Variants in RBM27 observed in about 807,000 individuals in gnomAD.
RBM27 encodes RNA-binding protein 27.
A neutral mutation model predicts 135.3 loss-of-function variants in RBM27; 22 were observed. That is an observed-to-expected ratio of 0.16 (90% CI 0.12 to 0.23). RBM27 has a LOEUF of 0.23. Ranked by LOEUF, RBM27 falls within the 10% of genes least tolerant of loss-of-function variation. The probability of loss-of-function intolerance (pLI) is 1.00; values close to 1 mark genes in which losing one functional copy is unlikely to be tolerated. For missense variants in RBM27, 1,009 were observed against 1,281.0 expected, an observed-to-expected ratio of 0.79 and a Z score of 3.24; for synonymous variants, 481 against 442.4, an observed-to-expected ratio of 1.09 and a Z score of -1.10.
At chr5:146,229,586 G>T in intron 4 of RBM27, 131 bp from the exon 5 acceptor site, 2 of 712,346 alleles carry the variant, frequency 2.8e-6, no homozygotes, top group Non-Finnish European at 4.6e-6. Context: ...GAATTATGTG[G>T]TAGATTTGCA....
chr5:146,237,940 G>A (rs536649246), intron 8 of RBM27, among the ~76,000 whole-genome samples: 1 of 152,094 alleles, frequency 6.6e-6, no homozygotes, highest in East Asian at 1.9e-4. Context: ...TACCTGCCTC[G>A]GCCTCCCAAA....
chr5:146,246,478 A>G (rs1359943783), intron 8 of RBM27, among the ~76,000 whole-genome samples: 1 of 152,200 alleles, frequency 6.6e-6, no homozygotes, highest in Non-Finnish European at 1.5e-5. Context: ...ATTCTGACAG[A>G]CTGATCTTCA....
chr5:146,284,261 CTATA>C (rs1296084877), intron 19 of RBM27, among the ~76,000 whole-genome samples: 2 of 151,994 alleles, frequency 1.3e-5, no homozygotes, highest in Non-Finnish European at 2.9e-5. Context: ...AGGTTTGAGT[CTATA>C]TATGTAGATA....
intron 19 of RBM27, among the ~76,000 whole-genome samples, chr5:146,278,058 C>T (rs1371562091): frequency 6.6e-6 from 1 of 152,126 alleles, no homozygotes; most frequent in African/African-American, 2.4e-5. Flanking sequence ...GCTAAATAAC[C>T]CTTCAGAATG....
rs1757031709 is a variant in RBM27 at position 146,233,589 on chromosome 5, A to G, written c.990A>G (p.Gly330=). Residue 330 remains glycine, a synonymous_variant, in exon 7 of 21, where the codon GGA becomes GGG. Transcript: ENST00000265271. ...PPGLPPPPPP[G]MLMPPMPGPG... is the part of the protein sequence containing the mutation. ...GGCTTCCTCCTCCACCACCTCCTGG[A>G]ATGTTAATGCCTCCAATGCCAGGTC... 1 of 1,611,162 alleles carries G rather than the reference A, an allele frequency of 6.2e-7. No individual in the cohort carries two copies. Among genetic ancestry groups the G allele is most frequent in the Non-Finnish European group, 8.5e-7 (1 of 1,178,416 alleles).
chr5:146,267,271 G>A (rs117711504), intron 14 of RBM27, among the ~76,000 whole-genome samples: 2 of 152,138 alleles, frequency 1.3e-5, no homozygotes, highest in Non-Finnish European at 2.9e-5. Context: ...GTAAAGAAGC[G>A]GCAGTCATTA....
intron 8 of RBM27, among the ~76,000 whole-genome samples, chr5:146,246,668 A>G (rs572993691): frequency 6.6e-6 from 1 of 152,314 alleles, no homozygotes; most frequent in East Asian, 1.9e-4. Flanking sequence ...TAGCCTGGAT[A>G]ACATAGTAAG....
chr5:146,207,282 G>T (rs1755724610), intron 1 of RBM27, among the ~76,000 whole-genome samples: 1 of 151,834 alleles, frequency 6.6e-6, no homozygotes, highest in African/African-American at 2.4e-5. Flanking sequence ...GAGTGCAGTG[G>T]CACTCACTGC....
chr5:146,287,577 A>G lies in RBM27; in HGVS notation c.*1547A>G, dbSNP rs759978039. ...GATTTTGTTTGCTGAGGTAAAGACA[A>G]TTTCTCAATATAGAAACTATTCACT... On this transcript the variant is annotated 3_prime_UTR_variant, in exon 21 of 21. Transcript: ENST00000265271. 15 of 152,122 alleles carry G rather than the reference A, an allele frequency of 9.9e-5. No homozygotes were observed. The highest frequency in any genetic ancestry group is 5.9e-4 in the Admixed American group (9 of 15,276). 9.4% of individuals were successfully genotyped at this position (152,122 alleles called of 1,614,324 possible). A position where few individuals can be genotyped will look rare whatever the true frequency, so the allele number is the denominator to read the frequency against.
At position 146,216,042 on chromosome 5, in the gene RBM27, C is replaced by G. The variant is rs576730565; in HGVS notation, c.60-2943C>G. On this transcript the variant is annotated intron_variant, in intron 1 of 20. Coordinates refer to ENST00000265271, the MANE Select transcript of RBM27 (RefSeq NM_018989.2). ...GGATTGCAGGCGTGAGCCACCGCGC[C>G]CAGCTGGCATGTGTAATTTTTATTT... Among the ~76,000 whole-genome samples, 8 of 152,136 alleles carry G rather than the reference C, an allele frequency of 5.3e-5. No homozygotes were observed. The South Asian group carries it at 1.7e-3, about 32-fold the overall frequency.
At chr5:146,206,968 T>G (rs1315326123) in intron 1 of RBM27, among the ~76,000 whole-genome samples, 4 of 152,212 alleles carry the variant, frequency 2.6e-5, no homozygotes, top group Admixed American at 2.6e-4. Context: ...ACCACATATA[T>G]TTTTATTCTT....
At chr5:146,251,904 C>G in intron 9 of RBM27, 29 bp downstream of exon 9, 2 of 1,604,806 alleles carry the variant, frequency 1.2e-6, no homozygotes, top group Admixed American at 3.3e-5. Flanking sequence ...GGCCATCCAC[C>G]TCACTGATCT....
intron 16 of RBM27, 54 bp from the exon 17 acceptor site, chr5:146,269,366 C>A: frequency 6.8e-7 from 1 of 1,480,732 alleles, no homozygotes; most frequent in Non-Finnish European, 9.1e-7. Context: ...TTAAAGACTT[C>A]TTTATATTAA....
rs749579647 is a variant in RBM27 at position 146,233,554 on chromosome 5, C to G, written c.955C>G (p.Pro319Ala). The change falls in exon 7 of 21, where the codon CCT (proline) becomes GCT (alanine). Residue 319 changes from proline to alanine, a missense_variant. By Grantham distance (27) the Pro-to-Ala change is conservative. This residue lies in a region of RBM27 where 329 missense variants were observed against 368.1 expected (regional missense o/e 0.89). Transcript: ENST00000265271. Reference protein sequence around the residue: ...ALPSMIPFPPPPPGLPPPPPP... With the variant: ...ALPSMIPFPPAPPGLPPPPPP... ...GCCAAGTATGATTCCTTTCCCACCCCCTCCTCCTGGGCTTCCTCCTCCACC... is the reference window on the plus strand; with the variant it reads ...GCCAAGTATGATTCCTTTCCCACCCGCTCCTCCTGGGCTTCCTCCTCCACC... 1.9e-6 allele frequency: 3 copies of G among 1,613,528 alleles called. No homozygotes were observed. The highest frequency in any genetic ancestry group is 2.5e-6 in the Non-Finnish European group (3 of 1,179,828).
chr5:146,232,577 CT>C (rs993693250), intron 6 of RBM27, among the ~76,000 whole-genome samples: 3 of 148,416 alleles, frequency 2.0e-5, no homozygotes, highest in Non-Finnish European at 1.5e-5. Context: ...TTTTTTTTCT[CT>C]TTTTTTTTTG....
intron 8 of RBM27, among the ~76,000 whole-genome samples, chr5:146,244,578 G>A (rs1241209286): frequency 2.0e-5 from 3 of 148,592 alleles, no homozygotes; most frequent in Non-Finnish European, 4.5e-5. Context: ...GTCTTGTTGT[G>A]CTGCCCAGAC....
intron 1 of RBM27, among the ~76,000 whole-genome samples, chr5:146,204,151 G>C (rs1755522354): frequency 6.6e-6 from 1 of 152,192 alleles, no homozygotes; most frequent in East Asian, 1.9e-4. Flanking sequence ...CTGAGAGAGA[G>C]GTAACGGGGC....
chr5:146,258,389 A>C, intron 10 of RBM27, 60 bp from the exon 11 acceptor site: 7 of 1,357,634 alleles, frequency 5.2e-6, no homozygotes, highest in Non-Finnish European at 6.8e-6. Context: ...TTTTAGACTA[A>C]ATATATTAAT....
intron 2 of RBM27, among the ~76,000 whole-genome samples, chr5:146,220,907 T>G (rs954020209): frequency 2.6e-5 from 4 of 152,082 alleles, no homozygotes; most frequent in Non-Finnish European, 1.5e-5. Context: ...CGTCCAAGAA[T>G]TCTTTGTTAT....
Sources: gnomAD v4.1 joint callset for allele counts (sites outside exome capture counted in the v4.1 genomes callset) on GRCh38, gnomAD v4.1.1 for gene constraint, gnomAD v4.1.1 regional missense constraint, MANE v1.5 for transcripts, NCBI Gene and HGNC (gene_info 2026-07-23, HGNC 2026-07-21) for gene names.